Variants in SCMH1 observed in about 807,000 individuals in gnomAD.
SCMH1 encodes polycomb protein SCMH1.
A neutral mutation model predicts 70.8 loss-of-function variants in SCMH1; 37 were observed. That is an observed-to-expected ratio of 0.52 (90% CI 0.40 to 0.69). The LOEUF is 0.69. Among genes scored for constraint, SCMH1 ranks in the 30% least tolerant of loss-of-function variants. The pLI, the probability that SCMH1 is intolerant of heterozygous loss-of-function variation, is 0.00. For synonymous variants in SCMH1, 292 were observed against 307.4 expected (o/e 0.95, Z 0.52); for missense variants, 607 against 827.3 (o/e 0.73, Z 3.27).
intron 6 of SCMH1, among the ~76,000 whole-genome samples, chr1:41,122,171 CTT>C (rs1236980630): frequency 2.0e-5 from 3 of 152,264 alleles, no homozygotes; most frequent in African/African-American, 7.2e-5. Context: ...GATCTAAACT[CTT>C]TATTATTCAT....
intron 2 of SCMH1, among the ~76,000 whole-genome samples, chr1:41,180,569 C>T (rs887736484): frequency 1.3e-5 from 2 of 152,000 alleles, no homozygotes; most frequent in Non-Finnish European, 1.5e-5. Flanking sequence ...AAACAGAGAG[C>T]CAAATCATGA....
intron 10 of SCMH1, among the ~76,000 whole-genome samples, chr1:41,069,415 G>A (rs1400995504): frequency 1.3e-5 from 2 of 152,176 alleles, no homozygotes; most frequent in South Asian, 2.1e-4. Context: ...TGCCCCTGGG[G>A]AATAGTAATT....
chr1:41,156,110 G>A (rs1163746736), intron 4 of SCMH1, among the ~76,000 whole-genome samples: 1 of 151,512 alleles, frequency 6.6e-6, no homozygotes, highest in African/African-American at 2.4e-5. Flanking sequence ...CAAATGGACA[G>A]ACCGCTCTTT....
intron 6 of SCMH1, among the ~76,000 whole-genome samples, chr1:41,125,959 T>C (rs1342298924): frequency 6.6e-6 from 1 of 152,180 alleles, no homozygotes; most frequent in Non-Finnish European, 1.5e-5. Context: ...AAAATACATA[T>C]GTATATACAC....
chr1:41,048,855 G>A, exon 11 of SCMH1: 1 of 1,614,090 alleles, frequency 6.2e-7, no homozygotes, highest in Non-Finnish European at 8.5e-7. Context: ...TCTAAGTGGG[G>A]GCCTGTGCTG....
chr1:41,097,497 G>A (rs897102130), intron 8 of SCMH1, among the ~76,000 whole-genome samples: 1 of 152,078 alleles, frequency 6.6e-6, no homozygotes, highest in African/African-American at 2.4e-5. Context: ...GAAACAGGGT[G>A]TCACTCTGTC....
At chr1:41,135,683 T>C (rs1260906087) in intron 6 of SCMH1, among the ~76,000 whole-genome samples, 1 of 152,200 alleles carries the variant, frequency 6.6e-6, no homozygotes, top group African/African-American at 2.4e-5. Context: ...TACAATTAAA[T>C]ACAATTTAAA....
At chr1:41,236,411 A>G (rs1028480477) in intron 1 of SCMH1, among the ~76,000 whole-genome samples, 3 of 152,180 alleles carry the variant, frequency 2.0e-5, no homozygotes, top group African/African-American at 7.2e-5. Flanking sequence ...ACACAAAAAG[A>G]CATCCAATAA....
At chr1:41,143,453 G>A (rs147022289) in intron 5 of SCMH1, among the ~76,000 whole-genome samples, 6 of 151,934 alleles carry the variant, frequency 3.9e-5, no homozygotes, top group African/African-American at 9.7e-5. Flanking sequence ...GGACTACTAC[G>A]TCCTATTAAA....
intron 8 of SCMH1, among the ~76,000 whole-genome samples, chr1:41,112,938 C>A (rs374231382): frequency 6.6e-6 from 1 of 152,286 alleles, no homozygotes; most frequent in African/African-American, 2.4e-5. Context: ...CCCCTAAGGT[C>A]AGAGGAAGGT....
chr1:41,212,040 T>C (rs1657145889), intron 1 of SCMH1, among the ~76,000 whole-genome samples: 2 of 152,032 alleles, frequency 1.3e-5, no homozygotes, highest in Admixed American at 1.3e-4. Context: ...GGGGGAGGGA[T>C]AGCATTAGGA....
intron 6 of SCMH1, among the ~76,000 whole-genome samples, chr1:41,138,122 G>T (rs977190764): frequency 6.6e-6 from 1 of 152,128 alleles, no homozygotes; most frequent in African/African-American, 2.4e-5. Context: ...TCTGCATGCT[G>T]AAAACGATTT....
At chr1:41,175,681 A>G (rs770338782) in intron 2 of SCMH1, among the ~76,000 whole-genome samples, 8 of 152,092 alleles carry the variant, frequency 5.3e-5, no homozygotes, top group Non-Finnish European at 1.0e-4. Flanking sequence ...ATGGGATTGG[A>G]CTCATGCCAC....
At chr1:41,185,952 G>A in intron 2 of SCMH1, 169 bp downstream of exon 2, 2 of 538,552 alleles carry the variant, frequency 3.7e-6, no homozygotes, top group East Asian at 7.1e-5. Flanking sequence ...CAAAACTTCA[G>A]ACCTCCTCTC....
At chr1:41,068,260 T>A (rs1054903606) in intron 10 of SCMH1, among the ~76,000 whole-genome samples, 5 of 152,062 alleles carry the variant, frequency 3.3e-5, no homozygotes, top group Non-Finnish European at 7.4e-5. Flanking sequence ...GAGGAAAACT[T>A]GATGAAAGTT....
At chr1:41,224,857 T>C (rs1484269378) in intron 1 of SCMH1, among the ~76,000 whole-genome samples, 1 of 152,170 alleles carries the variant, frequency 6.6e-6, no homozygotes, top group African/African-American at 2.4e-5. Context: ...TGTTCCTTTA[T>C]TACAAGTGAA....
intron 2 of SCMH1, among the ~76,000 whole-genome samples, chr1:41,182,931 C>T (rs1292255567): frequency 6.6e-6 from 1 of 152,168 alleles, no homozygotes; most frequent in Non-Finnish European, 1.5e-5. Context: ...GAGAATACAG[C>T]ATCTGATAGA....
At chr1:41,124,954 T>A (rs1672817698) in intron 6 of SCMH1, among the ~76,000 whole-genome samples, 1 of 152,160 alleles carries the variant, frequency 6.6e-6, no homozygotes, top group Non-Finnish European at 1.5e-5. Context: ...TATTTCTCAT[T>A]GCAATACTGC....
chr1:41,190,153 C>A (rs1651337893), intron 1 of SCMH1, among the ~76,000 whole-genome samples: 3 of 152,056 alleles, frequency 2.0e-5, no homozygotes, highest in Admixed American at 2.0e-4. Context: ...ATTCTAGGTC[C>A]TATATTTTGA....
Sources: gnomAD v4.1 joint callset for allele counts (sites outside exome capture counted in the v4.1 genomes callset) on GRCh38, gnomAD v4.1.1 for gene constraint, MANE v1.5 for transcripts, NCBI Gene and HGNC (gene_info 2026-07-23, HGNC 2026-07-21) for gene names.